Variants in HPSE2 observed in about 807,000 individuals in gnomAD.
HPSE2 encodes inactive heparanase-2.
A neutral mutation model predicts 60.5 loss-of-function variants in HPSE2; 38 were observed. That is an observed-to-expected ratio of 0.63 (90% CI 0.48 to 0.82). The LOEUF (loss-of-function observed/expected upper bound fraction) is 0.82, where lower values mean the gene tolerates loss of function less well. Among genes scored for constraint, HPSE2 ranks in the 40% least tolerant of loss-of-function variants. The pLI, the probability that HPSE2 is intolerant of heterozygous loss-of-function variation, is 0.00. For missense variants in HPSE2, 713 were observed against 740.4 expected (o/e 0.96, Z 0.43); for synonymous variants, 295 against 293.2 (o/e 1.01, Z -0.06).
chr10:98,775,919 T>C (rs1033336588), intron 3 of HPSE2, among the ~76,000 whole-genome samples: 2 of 152,198 alleles, frequency 1.3e-5, no homozygotes, highest in Non-Finnish European at 2.9e-5. Context: ...TTCAGTAACC[T>C]GGAAATTGTC....
chr10:98,928,502 G>T (rs1463107280), intron 3 of HPSE2, among the ~76,000 whole-genome samples: 10 of 108,796 alleles, frequency 9.2e-5, no homozygotes, highest in Non-Finnish European at 1.6e-4. Flanking sequence ...TATACCCAAA[G>T]GACTATAAAT....
intron 3 of HPSE2, among the ~76,000 whole-genome samples, chr10:98,777,799 C>A (rs764058509): frequency 6.6e-6 from 1 of 152,102 alleles, no homozygotes; most frequent in Non-Finnish European, 1.5e-5. Flanking sequence ...CTCTTTTATG[C>A]CCTAAGCTAC....
At chr10:98,640,624 T>C (rs991999040) in intron 7 of HPSE2, among the ~76,000 whole-genome samples, 1 of 152,336 alleles carries the variant, frequency 6.6e-6, no homozygotes, top group Admixed American at 6.5e-5. Context: ...TATTAATTCA[T>C]CTCATATTTA....
At chr10:99,246,845 T>C in the HPSE2 span, among the ~76,000 whole-genome samples, 5 of 152,232 alleles carry the variant, frequency 3.3e-5, no homozygotes, top group African/African-American at 1.2e-4. Context: ...ACTGTTTTTC[T>C]TTTTATGTGT....
the HPSE2 span, among the ~76,000 whole-genome samples, chr10:99,298,567 A>G: frequency 4.6e-5 from 7 of 152,246 alleles, no homozygotes; most frequent in African/African-American, 1.7e-4. Context: ...TAGCAAATCA[A>G]CAAATCTGGC....
intron 3 of HPSE2, among the ~76,000 whole-genome samples, chr10:99,004,839 G>C (rs1301395151): frequency 6.6e-6 from 1 of 152,134 alleles, no homozygotes; most frequent in Non-Finnish European, 1.5e-5. Context: ...TGGTGGTGAT[G>C]AACTCCCTCA....
At chr10:99,186,129 C>CACACACAT (rs1554912907) in intron 2 of HPSE2, among the ~76,000 whole-genome samples, 2,549 of 141,666 alleles carry the variant, frequency 0.018, 60 homozygotes, top group Non-Finnish European at 0.026. Context: ...CACACACACA[C>CACACACAT]ACACACACAC....
chr10:98,668,167 A>G (rs1347648124), intron 6 of HPSE2, among the ~76,000 whole-genome samples: 1 of 152,170 alleles, frequency 6.6e-6, no homozygotes, highest in Non-Finnish European at 1.5e-5. Flanking sequence ...CACATTTATA[A>G]TAGCCATAAA....
chr10:98,655,118 C>CTTT (rs1947023001), intron 6 of HPSE2, among the ~76,000 whole-genome samples: 1 of 152,112 alleles, frequency 6.6e-6, no homozygotes, highest in Non-Finnish European at 1.5e-5. Context: ...ATGATCTTCA[C>CTTT]CTTTTTTTCC....
intron 2 of HPSE2, among the ~76,000 whole-genome samples, chr10:99,217,073 G>T (rs1346198550): frequency 6.6e-6 from 1 of 151,800 alleles, no homozygotes; most frequent in Non-Finnish European, 1.5e-5. Context: ...TATATAATCA[G>T]CCTGTGATCC....
chr10:98,685,835 A>G (rs1947901762), intron 6 of HPSE2, among the ~76,000 whole-genome samples: 1 of 152,242 alleles, frequency 6.6e-6, no homozygotes, highest in South Asian at 2.1e-4. Context: ...AGATTTTCCA[A>G]AATGAACCAG....
At chr10:99,064,679 T>C (rs975032357) in intron 3 of HPSE2, among the ~76,000 whole-genome samples, 1 of 151,566 alleles carries the variant, frequency 6.6e-6, no homozygotes, top group African/African-American at 2.4e-5. Context: ...TTAAAAGTTT[T>C]GCCAATTATT....
intron 1 of HPSE2, 32 bp from the exon 2 acceptor site, chr10:99,232,537 T>C: frequency 6.5e-7 from 1 of 1,549,220 alleles, no homozygotes; most frequent in Non-Finnish European, 8.7e-7. Context: ...GAGGAAAGGT[T>C]CCCAGGACAG....
At chr10:99,180,358 T>A (rs1313085822) in intron 2 of HPSE2, among the ~76,000 whole-genome samples, 2 of 152,062 alleles carry the variant, frequency 1.3e-5, no homozygotes, top group Non-Finnish European at 2.9e-5. Context: ...AATCTATCCA[T>A]CTGACAAAGG....
intron 7 of HPSE2, among the ~76,000 whole-genome samples, chr10:98,627,938 C>T (rs965153397): frequency 8.5e-5 from 13 of 152,186 alleles, no homozygotes; most frequent in African/African-American, 3.1e-4. Context: ...ATAACTCACA[C>T]AAACATAATT....
intron 3 of HPSE2, among the ~76,000 whole-genome samples, chr10:98,912,320 G>T (rs1031988678): frequency 6.6e-6 from 1 of 152,316 alleles, no homozygotes. Flanking sequence ...GTCATTTGGT[G>T]TGAATGTAGG....
chr10:99,171,545 TA>T (rs1474635902), intron 2 of HPSE2, among the ~76,000 whole-genome samples: 1 of 152,008 alleles, frequency 6.6e-6, no homozygotes, highest in Non-Finnish European at 1.5e-5. Flanking sequence ...AAGAGGACCC[TA>T]AAAAAACAAC....
chr10:99,041,654 G>A (rs953259158), intron 3 of HPSE2, among the ~76,000 whole-genome samples: 5 of 152,154 alleles, frequency 3.3e-5, no homozygotes, highest in East Asian at 1.9e-4. Flanking sequence ...GGTAGGGGCC[G>A]CATCCATAGT....
chr10:99,275,033 C>G, the HPSE2 span, among the ~76,000 whole-genome samples: 2 of 152,130 alleles, frequency 1.3e-5, no homozygotes, highest in Non-Finnish European at 2.9e-5. Flanking sequence ...TAATCTAGCC[C>G]TTCATTTTAC....
Sources: allele counts gnomAD v4.1 joint callset (sites outside exome capture counted in the v4.1 genomes callset), GRCh38; gene constraint gnomAD v4.1.1; transcripts MANE v1.5; gene names NCBI Gene and HGNC (gene_info 2026-07-23, HGNC 2026-07-21).